The following TTC21B variants were observed in gnomAD, a reference collection of about 807,000 sequenced individuals.
The protein encoded by TTC21B is tetratricopeptide repeat protein 21B.
A neutral mutation model predicts 175.1 loss-of-function variants in TTC21B; 127 were observed. That is an observed-to-expected ratio of 0.73 (90% CI 0.63 to 0.84). TTC21B has a LOEUF of 0.84. Among genes scored for constraint, TTC21B ranks in the 40% least tolerant of loss-of-function variants. The pLI is 0.00. For synonymous variants in TTC21B, 524 were observed against 524.5 expected (o/e 1.00, Z 0.01); for missense variants, 1,561 against 1,558.3 (o/e 1.00, Z -0.03).
chr2:165,885,439 C>T (rs972153908), intron 25 of TTC21B, among the ~76,000 whole-genome samples: 12 of 152,112 alleles, frequency 7.9e-5, no homozygotes, highest in Non-Finnish European at 1.5e-5. Flanking sequence ...TAATCTGTTC[C>T]TCTAGGTAAG....
At chr2:165,911,553 T>C (rs906218518) in intron 17 of TTC21B, 88 bp from the exon 18 acceptor site, 23 of 1,484,386 alleles carry the variant, frequency 1.5e-5, no homozygotes, top group Middle Eastern at 1.9e-4. Context: ...ACTTAAAGCA[T>C]TGGTATAACT....
intron 18 of TTC21B, among the ~76,000 whole-genome samples, chr2:165,908,063 A>G (rs538168819): frequency 1.3e-5 from 2 of 152,312 alleles, no homozygotes; most frequent in African/African-American, 4.8e-5. Context: ...CACCACAATA[A>G]TTTCCATTTT....
intron 12 of TTC21B, among the ~76,000 whole-genome samples, chr2:165,924,144 C>A: frequency 6.6e-6 from 1 of 152,056 alleles, no homozygotes; most frequent in Non-Finnish European, 1.5e-5. Flanking sequence ...TTAAGCTATC[C>A]ATAACAATTC....
At chr2:165,920,764 T>A (rs1198093727) in intron 12 of TTC21B, among the ~76,000 whole-genome samples, 1 of 148,994 alleles carries the variant, frequency 6.7e-6, no homozygotes, top group Non-Finnish European at 1.5e-5. Flanking sequence ...TAAAATATTT[T>A]GAAATATTTT....
intron 16 of TTC21B, among the ~76,000 whole-genome samples, chr2:165,913,227 T>C (rs1216955092): frequency 6.6e-6 from 1 of 152,136 alleles, no homozygotes. Flanking sequence ...GGTTTCACCA[T>C]GTTGGCCAGG....
At chr2:165,948,557 A>AT (rs1054950832) in intron 3 of TTC21B, 10 of 152,202 alleles carry the variant, frequency 6.6e-5, no homozygotes, top group Non-Finnish European at 1.5e-4. Flanking sequence ...TTATTATGTA[A>AT]TTTTTTGAAA....
At chr2:165,946,913 T>G (rs1372027821) in intron 3 of TTC21B, among the ~76,000 whole-genome samples, 3 of 151,966 alleles carry the variant, frequency 2.0e-5, no homozygotes, top group Admixed American at 2.0e-4. Flanking sequence ...ATACTAATAT[T>G]TTTTAATAAT....
At chr2:165,879,135 A>C (rs2105279184) in intron 27 of TTC21B, among the ~76,000 whole-genome samples, 1 of 152,322 alleles carries the variant, frequency 6.6e-6, no homozygotes, top group African/African-American at 2.4e-5. Context: ...TTACCAAAGC[A>C]AAGCTAGAGG....
intron 3 of TTC21B, chr2:165,948,583 C>T (rs528256518): frequency 4.6e-5 from 7 of 152,348 alleles, no homozygotes; most frequent in African/African-American, 1.7e-4. Context: ...TCTATATTTA[C>T]AATCCTATTA....
intron 22 of TTC21B, among the ~76,000 whole-genome samples, chr2:165,892,334 C>T (rs557040538): frequency 1.3e-5 from 2 of 152,218 alleles, no homozygotes; most frequent in Admixed American, 6.5e-5. Context: ...AGAGATGACA[C>T]CATGTAATTC....
chr2:165,921,751 T>A (rs368702934), intron 12 of TTC21B, among the ~76,000 whole-genome samples: 1 of 151,854 alleles, frequency 6.6e-6, no homozygotes, highest in Non-Finnish European at 1.5e-5. Flanking sequence ...CTTAGACACA[T>A]GCTAGCAGTA....
At chr2:165,908,758 AAATAT>A (rs1431780848) in intron 18 of TTC21B, among the ~76,000 whole-genome samples, 2 of 152,170 alleles carry the variant, frequency 1.3e-5, no homozygotes, top group African/African-American at 4.8e-5. Context: ...TATGTTACAT[AAATAT>A]AATATACCCA....
chr2:165,935,874 G>C (rs2105352877), intron 6 of TTC21B, among the ~76,000 whole-genome samples: 1 of 152,232 alleles, frequency 6.6e-6, no homozygotes, highest in Middle Eastern at 3.4e-3. Flanking sequence ...AATACAAGAT[G>C]TTAGTTCTTC....
In TTC21B at chr2:165,951,259, T is replaced by C. The variant is rs114621338; in HGVS notation, c.22-1535A>G. Among the ~76,000 whole-genome samples, 1,339 of 152,308 alleles carry C rather than the reference T, an allele frequency of 8.8e-3. 20 individuals carry two copies. Among genetic ancestry groups the C allele is most frequent in the African/African-American group, 0.031 (1,276 of 41,544 alleles). The stretch of plus-strand genomic sequence containing the variant: ...CCTGAAAGGCAGTGGCATAGCACCA[T>C]AAAAAGGACGCGAATTTAAAGGCAA... On this transcript the variant is annotated intron_variant, in intron 1 of 28. Transcript: ENST00000243344.
At position 165,943,359 on chromosome 2, in the gene TTC21B, C is replaced by T. The variant is rs1687439488; in HGVS notation, c.430-18G>A. The T allele has an allele frequency of 1.3e-6, 2 of 1,573,926 alleles. No individual in the cohort carries two copies. Among genetic ancestry groups the T allele is most frequent in the Admixed American group, 3.4e-5 (2 of 58,756 alleles). The stretch of plus-strand genomic sequence containing the variant: ...ACGTGTCCCTGTAAAATGAATAATT[C>T]TATTTTTACTTTTTTAGAAATGAGA... On this transcript the variant is annotated intron_variant, in intron 4 of 28. Transcript: ENST00000243344.
At chr2:165,898,604 GA>G (rs1440877263) in intron 22 of TTC21B, 81 bp downstream of exon 22, 3 of 933,198 alleles carry the variant, frequency 3.2e-6, no homozygotes, top group African/African-American at 3.2e-5. Flanking sequence ...GAGTTTGCCC[GA>G]GGGCATAACC....
Position 165,945,776 on chromosome 2 carries a change from T to G in TTC21B, c.263-86A>C, listed in dbSNP as rs574183584. 6,197 of 1,387,386 alleles carry G rather than the reference T, an allele frequency of 4.5e-3. 23 individuals carry two copies. Among genetic ancestry groups the G allele is most frequent in the Non-Finnish European group, 5.8e-3 (5,879 of 1,010,206 alleles). 85.9% of individuals were successfully genotyped at this position (1,387,386 alleles called of 1,614,324 possible). A position where few individuals can be genotyped will look rare whatever the true frequency, so the allele number is the denominator to read the frequency against. Reference sequence around the variant, plus strand: ...TCAGATAATTAACAAGGCAAAAAATTTACTTCTCTCTATAGTGGTACTGTC... The same window carrying G: ...TCAGATAATTAACAAGGCAAAAAATGTACTTCTCTCTATAGTGGTACTGTC... On this transcript the variant is annotated intron_variant, in intron 3 of 28. Coordinates refer to ENST00000243344, the MANE Select transcript of TTC21B (RefSeq NM_024753.5).
chr2:165,882,659 A>C (rs887098459), intron 26 of TTC21B, among the ~76,000 whole-genome samples: 1 of 152,140 alleles, frequency 6.6e-6, no homozygotes, highest in African/African-American at 2.4e-5. Flanking sequence ...ATGTAATTCA[A>C]GTTTCCTAAG....
intron 27 of TTC21B, among the ~76,000 whole-genome samples, chr2:165,876,637 C>T (rs903801375): frequency 4.6e-5 from 7 of 152,152 alleles, no homozygotes; most frequent in Middle Eastern, 3.2e-3. Context: ...CTGATGCCTA[C>T]AGTTATGAGG....
Sources: allele counts gnomAD v4.1 joint callset (sites outside exome capture counted in the v4.1 genomes callset), GRCh38; gene constraint gnomAD v4.1.1; transcripts MANE v1.5; gene names NCBI Gene and HGNC (gene_info 2026-07-23, HGNC 2026-07-21).